Variants in DIP2C observed in about 807,000 individuals in gnomAD.
DIP2C encodes disco-interacting protein 2 homolog C.
In DIP2C, 33 loss-of-function variants were observed where a neutral mutation model predicts 192.4. The ratio of observed to expected loss-of-function variants is 0.17; its 90% confidence interval spans 0.13 to 0.23. The LOEUF is 0.23. Ranked by LOEUF, DIP2C falls within the 10% of genes least tolerant of loss-of-function variation. DIP2C has a pLI of 1.00. For synonymous variants in DIP2C, 979 were observed against 864.1 expected (o/e 1.13, Z -2.33); for missense variants, 1,537 against 2,110.1 (o/e 0.73, Z 5.32).
intron 17 of DIP2C, among the ~76,000 whole-genome samples, chr10:377,806 G>A (rs150544942): frequency 7.4e-4 from 112 of 152,284 alleles, no homozygotes; most frequent in African/African-American, 2.6e-3. Flanking sequence ...ACTAGAAGAT[G>A]GTTGTGGTGA....
chr10:575,618 G>C (rs946014195), intron 1 of DIP2C, among the ~76,000 whole-genome samples: 5 of 152,180 alleles, frequency 3.3e-5, no homozygotes, highest in African/African-American at 1.2e-4. Flanking sequence ...ACCCAGAAAA[G>C]AACACAAGCC....
intron 1 of DIP2C, among the ~76,000 whole-genome samples, chr10:495,637 G>A (rs191349278): frequency 6.6e-6 from 1 of 151,730 alleles, no homozygotes; most frequent in Non-Finnish European, 1.5e-5. Flanking sequence ...GGGTTCCAGG[G>A]GTCAGGATCC....
intron 32 of DIP2C, among the ~76,000 whole-genome samples, chr10:300,597 C>A (rs1955983614): frequency 6.6e-6 from 1 of 151,992 alleles, no homozygotes; most frequent in African/African-American, 2.4e-5. Context: ...CAGGCACGGC[C>A]CTGAGCGTGT....
chr10:479,943 C>T (rs888769084), intron 2 of DIP2C, among the ~76,000 whole-genome samples: 4 of 146,806 alleles, frequency 2.7e-5, no homozygotes, highest in African/African-American at 5.1e-5. Context: ...GAGTCTCACC[C>T]GCCAGCCTGA....
rs1848352111 is a variant in DIP2C at position 547,599 on chromosome 10, C to G, written c.86-61069G>C. ...GGGCTGGAACAGTCTCTGTCATGAG[C>G]TTTAGCATTTACAAGGCTTGCTGAA... On this transcript the variant is annotated intron_variant, in intron 1 of 36. Coordinates refer to ENST00000280886, the MANE Select transcript of DIP2C (RefSeq NM_014974.3). Among the ~76,000 whole-genome samples the G allele has an allele frequency of 2.0e-5, 3 of 152,132 alleles. No homozygotes were observed. The South Asian group carries it at 6.2e-4, about 31-fold the overall frequency.
Position 375,155 on chromosome 10 carries a change from G to A in DIP2C, c.1992-5522C>T, listed in dbSNP as rs116854988. ...ATGTTTTGTTGCCTGCAGATCTCACGTTGAAATGTGACGTCCAACAATGCA... is the reference window on the plus strand; with the variant it reads ...ATGTTTTGTTGCCTGCAGATCTCACATTGAAATGTGACGTCCAACAATGCA... On this transcript the variant is annotated intron_variant, in intron 17 of 36. Transcript: ENST00000280886. 3.1e-4 allele frequency among the ~76,000 whole-genome samples: 47 copies of A among 152,364 alleles called. No individual in the cohort carries two copies. In the East Asian group the frequency reaches 5.4e-3, roughly 17 times the overall value.
Position 277,280 on chromosome 10 carries a change from A to G in DIP2C, c.*45T>C, listed in dbSNP as rs769805910. On this transcript the variant is annotated 3_prime_UTR_variant, in exon 37 of 37. Coordinates refer to ENST00000280886, the MANE Select transcript of DIP2C (RefSeq NM_014974.3). ...GCACGCTTCAGTGGACACGGAGAAC[A>G]ATGTCTACATCTCTAGAAAAGTCCA... The G allele has an allele frequency of 6.2e-7, 1 of 1,603,202 alleles. No homozygotes were observed. The highest frequency in any genetic ancestry group is 1.7e-5 in the Admixed American group (1 of 59,822).
At chr10:461,414 C>A (rs1340342245) in intron 3 of DIP2C, among the ~76,000 whole-genome samples, 1 of 152,066 alleles carries the variant, frequency 6.6e-6, no homozygotes, top group African/African-American at 2.4e-5. Flanking sequence ...TACTTTAAAC[C>A]AACAAAGATC....
At chr10:467,562 G>A (rs1970318544) in intron 3 of DIP2C, among the ~76,000 whole-genome samples, 1 of 70,846 alleles carries the variant, frequency 1.4e-5, no homozygotes, top group Non-Finnish European at 3.2e-5. Context: ...AATTATTTAA[G>A]TGTAAAAAAA....
In DIP2C at chr10:409,479, C is replaced by G. The variant is rs568564281; in HGVS notation, c.1058-462G>C. On this transcript the variant is annotated intron_variant, in intron 8 of 36. Coordinates refer to ENST00000280886, the MANE Select transcript of DIP2C (RefSeq NM_014974.3). ...GTCAAGAGGAGTAAAAGCAATGACT[C>G]CAACAGTCAGAGCTGCCTGGACACT... 3.9e-5 allele frequency among the ~76,000 whole-genome samples: 6 copies of G among 152,310 alleles called. No individual in the cohort carries two copies. The South Asian group carries it at 1.2e-3, about 32-fold the overall frequency.
At chr10:556,066 T>A (rs552316850) in intron 1 of DIP2C, among the ~76,000 whole-genome samples, 46 of 149,184 alleles carry the variant, frequency 3.1e-4, no homozygotes, top group Admixed American at 2.7e-3. Context: ...CACAATCGGA[T>A]CCCAGGACAG....
intron 31 of DIP2C, among the ~76,000 whole-genome samples, chr10:312,138 C>T (rs779195283): frequency 9.9e-5 from 15 of 152,166 alleles, no homozygotes; most frequent in Admixed American, 3.3e-4. Context: ...TGCTCGGCAG[C>T]CTCAGGAGGA....
chr10:414,924 T>A (rs998288975), intron 7 of DIP2C, among the ~76,000 whole-genome samples: 1 of 125,978 alleles, frequency 7.9e-6, no homozygotes, highest in African/African-American at 3.0e-5. Flanking sequence ...TTTTTTTTGG[T>A]AGAGACAGGG....
intron 3 of DIP2C, among the ~76,000 whole-genome samples, chr10:445,852 C>A (rs1369772125): frequency 6.6e-6 from 1 of 151,678 alleles, no homozygotes; most frequent in Admixed American, 6.6e-5. Context: ...GTCTATCTTG[C>A]ACTGGCCATC....
chr10:672,571 T>C (rs1362080534), intron 1 of DIP2C, among the ~76,000 whole-genome samples: 1 of 152,208 alleles, frequency 6.6e-6, no homozygotes, highest in African/African-American at 2.4e-5. Context: ...AGAAGGGCAC[T>C]TCACTTCGAA....
In DIP2C at chr10:364,411, G is replaced by T; in HGVS notation, c.2440C>A (p.Leu814Met). The T allele has an allele frequency of 1.9e-6, 3 of 1,614,054 alleles. No homozygotes were observed. Among genetic ancestry groups the T allele is most frequent in the Non-Finnish European group, 2.5e-6 (3 of 1,180,032 alleles). Reference protein sequence around the residue: ...HNADDIVATALAVEPMKFVYR... With the variant: ...HNADDIVATAMAVEPMKFVYR... Reference sequence around the variant, plus strand: ...ACAAACTTCATGGGTTCTACGGCCAGCGCAGTGGCCACGATGTCGTCGGCG... The same window carrying T: ...ACAAACTTCATGGGTTCTACGGCCATCGCAGTGGCCACGATGTCGTCGGCG... Residue 814 changes from leucine (L) to methionine (M), a missense_variant, in exon 20 of 37, where the codon CTG (leucine) becomes ATG (methionine). Transcript: ENST00000280886.
intron 1 of DIP2C, among the ~76,000 whole-genome samples, chr10:590,546 C>A (rs150200315): frequency 4.6e-5 from 7 of 152,324 alleles, no homozygotes; most frequent in Non-Finnish European, 8.8e-5. Context: ...GATGCAGGTG[C>A]CAGCTTTGAC....
In DIP2C at chr10:563,707, C is replaced by A. The variant is rs184788749; in HGVS notation, c.86-77177G>T. ...CTGATTACATTGCATTTGATTACAGCAGCCAAAGATGCGTCCAGAGGAAGA... is the reference window on the plus strand; with the variant it reads ...CTGATTACATTGCATTTGATTACAGAAGCCAAAGATGCGTCCAGAGGAAGA... On this transcript the variant is annotated intron_variant, in intron 1 of 36. Transcript: ENST00000280886. Among the ~76,000 whole-genome samples the A allele has an allele frequency of 2.0e-5, 3 of 152,338 alleles. No homozygotes were observed. In the East Asian group the frequency reaches 5.8e-4, roughly 29 times the overall value.
chr10:575,713 G>T (rs11253253), intron 1 of DIP2C, among the ~76,000 whole-genome samples: 2 of 152,124 alleles, frequency 1.3e-5, no homozygotes, highest in African/African-American at 4.8e-5. Flanking sequence ...CAGCACAGAG[G>T]AAGTCATAGG....
Sources: allele counts gnomAD v4.1 joint callset (sites outside exome capture counted in the v4.1 genomes callset), GRCh38; gene constraint gnomAD v4.1.1; transcripts MANE v1.5; gene names NCBI Gene and HGNC (gene_info 2026-07-23, HGNC 2026-07-21).